GPC5: variants seen among roughly 807,000 people sequenced by gnomAD.
GPC5 encodes glypican-5.
In GPC5, 47 loss-of-function variants were observed where a neutral mutation model predicts 53.9. The observed-to-expected ratio is 0.87, with a 90% CI of 0.69 to 1.11. GPC5 has a LOEUF of 1.11. GPC5 is among the 50% of genes most tolerant of loss of function. GPC5 has a pLI of 0.00. For synonymous variants in GPC5, 286 were observed against 263.3 expected (o/e 1.09, Z -0.84); for missense variants, 748 against 713.1 (o/e 1.05, Z -0.56).
At chr13:92,542,035 T>C (rs903521707) in intron 7 of GPC5, among the ~76,000 whole-genome samples, 1 of 151,990 alleles carries the variant, frequency 6.6e-6, no homozygotes, top group African/African-American at 2.4e-5. Context: ...TATAATAAAT[T>C]TCCACTTTTA....
At chr13:92,531,771 C>T (rs540430472) in intron 7 of GPC5, among the ~76,000 whole-genome samples, 108 of 152,270 alleles carry the variant, frequency 7.1e-4, no homozygotes, top group African/African-American at 2.5e-3. Context: ...GGGCCGGTGC[C>T]GTCTCTCTGG....
At chr13:92,103,093 C>T (rs2041479958) in intron 6 of GPC5, among the ~76,000 whole-genome samples, 1 of 151,940 alleles carries the variant, frequency 6.6e-6, no homozygotes, top group South Asian at 2.1e-4. Flanking sequence ...AACTCCTGGG[C>T]TCAAGTGATC....
In GPC5 at chr13:91,830,961, C is replaced by A. The variant is rs1428673213; in HGVS notation, c.1280+74541C>A. On this transcript the variant is annotated intron_variant, in intron 5 of 7. Transcript: ENST00000377067. ...ATATCCTATTATATATGATATATAT[C>A]CTATTATATATTATATATCCTATTA... 1.5e-4 allele frequency among the ~76,000 whole-genome samples: 19 copies of A among 128,508 alleles called. No homozygotes were observed. In the East Asian group the frequency reaches 3.9e-3, roughly 26 times the overall value. The allele number at this position is 128,508 out of a possible 152,430, so 84.3% of individuals were successfully genotyped here. A position where few individuals can be genotyped will look rare whatever the true frequency, so the allele number is the denominator to read the frequency against.
intron 7 of GPC5, among the ~76,000 whole-genome samples, chr13:92,710,038 G>T (rs1449726020): frequency 6.6e-6 from 1 of 152,144 alleles, no homozygotes; most frequent in East Asian, 1.9e-4. Flanking sequence ...ATAGCCACTG[G>T]CAGAAATACC....
rs2042024166 is a variant in GPC5, at chr13:92,165,913, T to C, written c.1561+20924T>C. Among the ~76,000 whole-genome samples, 3 of 152,188 alleles carry C rather than the reference T, an allele frequency of 2.0e-5. No homozygotes were observed. In the South Asian group the frequency reaches 6.2e-4, roughly 32 times the overall value. Reference sequence around the variant, plus strand: ...TTCTTTGCCCTGGGTTACATTAGTTTCAGTGAGCATGATGCAGAGCCAAGA... The same window carrying C: ...TTCTTTGCCCTGGGTTACATTAGTTCCAGTGAGCATGATGCAGAGCCAAGA... On this transcript the variant is annotated intron_variant, in intron 7 of 7. Transcript: ENST00000377067.
chr13:92,566,078 G>A (rs1472230943), intron 7 of GPC5, among the ~76,000 whole-genome samples: 1 of 151,816 alleles, frequency 6.6e-6, no homozygotes, highest in African/African-American at 2.4e-5. Context: ...TCAACTAATG[G>A]GATCAGAGGT....
At position 92,077,816 on chromosome 13, in the gene GPC5, G is replaced by A. The variant is rs368834777; in HGVS notation, c.1402-67014G>A. The stretch of plus-strand genomic sequence containing the variant: ...AGGAAAATGAGCAAGAAGAATAGAC[G>A]ACTTTGAAAAGAAATGAAGCTGGAA... On this transcript the variant is annotated intron_variant, in intron 6 of 7. Transcript: ENST00000377067. Among the ~76,000 whole-genome samples, 11 of 152,246 alleles carry A rather than the reference G, an allele frequency of 7.2e-5. No individual in the cohort carries two copies. The East Asian group carries it at 9.7e-4, about 13-fold the overall frequency.
chr13:92,640,142 A>C (rs1885542529), intron 7 of GPC5, among the ~76,000 whole-genome samples: 1 of 151,644 alleles, frequency 6.6e-6, no homozygotes, highest in Admixed American at 6.6e-5. Context: ...ATATATATAC[A>C]CGTGTGTATG....
chr13:91,924,061 A>G (rs1346761732), intron 6 of GPC5, among the ~76,000 whole-genome samples: 2 of 152,176 alleles, frequency 1.3e-5, no homozygotes, highest in Non-Finnish European at 2.9e-5. Flanking sequence ...GAAAATAAAT[A>G]TATTCTTAAG....
chr13:91,942,370 T>C (rs2039935157), intron 6 of GPC5, among the ~76,000 whole-genome samples: 1 of 151,992 alleles, frequency 6.6e-6, no homozygotes, highest in Admixed American at 6.6e-5. Context: ...GTGCATACAG[T>C]CCATCAAGTC....
In GPC5 at chr13:92,605,651, G is replaced by T. The variant is rs570498342; in HGVS notation, c.1562-260631G>T. On this transcript the variant is annotated intron_variant, in intron 7 of 7. Transcript: ENST00000377067. ...AGGCCGGACTGCGGACTGCAGTGGC[G>T]CAATCTCGGCTCACTGCAAGCTCCG... Among the ~76,000 whole-genome samples the T allele has an allele frequency of 2.7e-5, 4 of 150,000 alleles. No individual in the cohort carries two copies. In the East Asian group the frequency reaches 7.8e-4, roughly 29 times the overall value.
intron 5 of GPC5, among the ~76,000 whole-genome samples, chr13:91,875,614 A>G (rs2039193834): frequency 6.6e-6 from 1 of 152,170 alleles, no homozygotes; most frequent in Non-Finnish European, 1.5e-5. Context: ...ATAGGATTGA[A>G]ACTGCCATTT....
intron 2 of GPC5, among the ~76,000 whole-genome samples, chr13:91,531,756 T>C (rs912345795): frequency 2.0e-5 from 3 of 152,240 alleles, no homozygotes; most frequent in African/African-American, 7.2e-5. Context: ...CTGGTATGTG[T>C]GATAAAGCTT....
intron 7 of GPC5, among the ~76,000 whole-genome samples, chr13:92,203,299 A>G (rs1429679522): frequency 6.7e-6 from 1 of 150,086 alleles, no homozygotes; most frequent in Non-Finnish European, 1.5e-5. Flanking sequence ...ATGGAATACT[A>G]TGCAGACATA....
intron 2 of GPC5, among the ~76,000 whole-genome samples, chr13:91,525,374 G>A (rs964392342): frequency 6.6e-6 from 1 of 152,100 alleles, no homozygotes; most frequent in East Asian, 1.9e-4. Context: ...GAAATCCATT[G>A]GTGGTATATA....
At chr13:92,519,643 A>G (rs1880948194) in intron 7 of GPC5, among the ~76,000 whole-genome samples, 1 of 152,214 alleles carries the variant, frequency 6.6e-6, no homozygotes, top group Non-Finnish European at 1.5e-5. Context: ...GTAGAGGGAA[A>G]TTTATAGCAC....
At chr13:91,603,766 G>T (rs1970945) in intron 2 of GPC5, among the ~76,000 whole-genome samples, 1 of 152,140 alleles carries the variant, frequency 6.6e-6, no homozygotes, top group Non-Finnish European at 1.5e-5. Context: ...ATACAATATG[G>T]ACTTATCTCT....
At chr13:92,042,805 A>G (rs1016565395) in intron 6 of GPC5, among the ~76,000 whole-genome samples, 1 of 152,104 alleles carries the variant, frequency 6.6e-6, no homozygotes, top group African/African-American at 2.4e-5. Context: ...AGTAGCAGCT[A>G]ATTATGAATA....
At position 91,646,142 on chromosome 13, in the gene GPC5, G is replaced by A. The variant is rs192749640; in HGVS notation, c.326-47045G>A. ...TCTCATAAAAATGGTTTTCAAATCT[G>A]TAGCCCAGAAACCTTATATTAGGAA... On this transcript the variant is annotated intron_variant, in intron 2 of 7. Transcript: ENST00000377067. Among the ~76,000 whole-genome samples, 6 of 152,246 alleles carry A rather than the reference G, an allele frequency of 3.9e-5. No individual in the cohort carries two copies. In the East Asian group the frequency reaches 1.2e-3, roughly 29 times the overall value.
Sources: allele counts gnomAD v4.1 joint callset (sites outside exome capture counted in the v4.1 genomes callset), GRCh38; gene constraint gnomAD v4.1.1; transcripts MANE v1.5; gene names NCBI Gene and HGNC (gene_info 2026-07-23, HGNC 2026-07-21).